The following NF1 variants were observed in gnomAD, a reference collection of about 807,000 sequenced individuals.
NF1 encodes neurofibromin 1, also known as neurofibromin.
NF1 carries 122 observed loss-of-function variants against 325.7 expected under a neutral mutation model. The ratio of observed to expected loss-of-function variants is 0.37; its 90% CI spans 0.32 to 0.44. The LOEUF (loss-of-function observed/expected upper bound fraction) is 0.44. Among genes scored for constraint, NF1 ranks in the 20% least tolerant of loss-of-function variants. The probability of loss-of-function intolerance (pLI) is 1.00; values close to 1 mark genes in which losing one functional copy is unlikely to be tolerated. For missense variants in NF1, 2,140 were observed against 3,415.4 expected (o/e 0.63, Z 9.31); for synonymous variants, 1,091 against 1,186.0 (o/e 0.92, Z 1.65).
rs1911560774 is a variant in NF1 at position 31,095,373 on chromosome 17, A to G, written c.60+4A>G. On this transcript the variant is annotated splice_donor_region_variant and intron_variant, in intron 1 of 57. Coordinates refer to ENST00000358273, the MANE Select transcript of NF1 (RefSeq NM_001042492.3). ...GGTCAGCCGCTTCGACGAGCAGGTAACCGGCCCGTGGCGGGCGGGAGGTGG... is the reference window on the plus strand; with the variant it reads ...GGTCAGCCGCTTCGACGAGCAGGTAGCCGGCCCGTGGCGGGCGGGAGGTGG... 1 of 1,539,366 alleles carries G rather than the reference A, an allele frequency of 6.5e-7. No homozygotes were observed. The highest frequency in any genetic ancestry group is 1.2e-5 in the South Asian group (1 of 83,946).
chr17:31,323,417 A>G (rs2069263950), intron 36 of NF1, among the ~76,000 whole-genome samples: 1 of 151,828 alleles, frequency 6.6e-6, no homozygotes, highest in Non-Finnish European at 1.5e-5. Context: ...AAAAGATAAA[A>G]ATTTCCAGGC....
intron 39 of NF1, chr17:31,334,532 T>C: frequency 8.6e-6 from 3 of 349,388 alleles, no homozygotes; most frequent in Non-Finnish European, 1.6e-5. Context: ...TACCAAACTT[T>C]CTATGATTAC....
chr17:31,365,065 C>T (rs543825836), intron 57 of NF1, among the ~76,000 whole-genome samples: 11 of 151,718 alleles, frequency 7.3e-5, no homozygotes, highest in Non-Finnish European at 1.0e-4. Context: ...TTTGGGAGGC[C>T]GAGGCAGGTG....
At chr17:31,213,022 T>C (rs1357769797) in intron 12 of NF1, among the ~76,000 whole-genome samples, 2 of 152,214 alleles carry the variant, frequency 1.3e-5, no homozygotes, top group African/African-American at 2.4e-5. Flanking sequence ...TGATACCTGC[T>C]CATTGTTCTC....
chr17:31,306,955 G>T (rs1230512544), intron 36 of NF1, among the ~76,000 whole-genome samples: 1 of 151,914 alleles, frequency 6.6e-6, no homozygotes, highest in Non-Finnish European at 1.5e-5. Flanking sequence ...TTCAAGAACA[G>T]CATGGACCAC....
intron 15 of NF1, chr17:31,222,409 C>T (rs1417229340): frequency 4.8e-6 from 5 of 1,033,452 alleles, no homozygotes; most frequent in Non-Finnish European, 5.8e-6. Flanking sequence ...GGTCTGCTTC[C>T]TAGATTATAC....
At chr17:31,184,670 A>T (rs1404563781) in intron 8 of NF1, among the ~76,000 whole-genome samples, 2 of 149,404 alleles carry the variant, frequency 1.3e-5, no homozygotes. Context: ...TAAAAAAAAA[A>T]AATAAAAAAA....
rs1224248239 is a variant in NF1 at position 31,349,004 on chromosome 17, G to A, written c.7190-116G>A. On this transcript the variant is annotated intron_variant, in intron 48 of 57. Coordinates refer to ENST00000358273, the MANE Select transcript of NF1 (RefSeq NM_001042492.3). ...CCCAAATGGCTATTCTTGGAAAGTA[G>A]GAGTTATATTTCCTTTCCTTGCAGA... is the stretch of plus-strand genomic sequence containing the variant. 6.2e-6 allele frequency: 8 copies of A among 1,285,930 alleles called. 1 individual carries two copies. In the Middle Eastern group the frequency reaches 1.4e-3, roughly 227 times the overall value. 79.7% of individuals were successfully genotyped at this position (1,285,930 alleles called of 1,614,324 possible).
At chr17:31,221,805 T>C in intron 14 of NF1, 45 bp from the exon 15 acceptor site, 2 of 1,384,372 alleles carry the variant, frequency 1.4e-6, no homozygotes, top group Non-Finnish European at 2.0e-6. Context: ...CCAAAAATGT[T>C]TGAGTGAGTC....
rs772195960 is a variant in NF1 at position 31,305,540 on chromosome 17, C to G, written c.4836-20280C>G. 9.9e-6 allele frequency: 16 copies of G among 1,613,886 alleles called. No homozygotes were observed. The South Asian group carries it at 1.2e-4, about 12-fold the overall frequency. On this transcript the variant is annotated intron_variant, in intron 36 of 57. Transcript: ENST00000358273. Reference sequence around the variant, plus strand: ...GACTGCTTCTCTGTTGTAATTGTCTCTGTCTTTGAAAAAAATGTATTGTTC... The same window carrying G: ...GACTGCTTCTCTGTTGTAATTGTCTGTGTCTTTGAAAAAAATGTATTGTTC...
intron 2 of NF1, 78 bp from the exon 3 acceptor site, chr17:31,158,932 C>T (rs1342940002): frequency 3.6e-6 from 3 of 831,328 alleles, no homozygotes; most frequent in Middle Eastern, 5.5e-4. Context: ...ATCTTTTAGT[C>T]TTTCACTTTT....
chr17:31,335,269 C>A (rs1220794154), intron 40 of NF1, among the ~76,000 whole-genome samples: 2 of 1,536 alleles, frequency 1.3e-3, no homozygotes, highest in Non-Finnish European at 9.3e-3. Flanking sequence ...TCCTTCAAGG[C>A]ATAATTATAT....
At chr17:31,133,955 C>T (rs759292896) in intron 1 of NF1, among the ~76,000 whole-genome samples, 4 of 152,178 alleles carry the variant, frequency 2.6e-5, no homozygotes, top group Non-Finnish European at 5.9e-5. Flanking sequence ...CTGCGTCTGG[C>T]CTTATTTCAT....
intron 57 of NF1, among the ~76,000 whole-genome samples, chr17:31,368,437 C>T (rs912901919): frequency 1.3e-5 from 2 of 152,038 alleles, no homozygotes; most frequent in African/African-American, 4.8e-5. Flanking sequence ...CAATACCAAG[C>T]CAAAAATTCT....
In NF1 at chr17:31,357,085, G is replaced by A. The variant is rs1471144465; in HGVS notation, c.7864G>A (p.Val2622Ile). 1.2e-6 allele frequency: 2 copies of A among 1,613,376 alleles called. No homozygotes were observed. Among genetic ancestry groups the A allele is most frequent in the Non-Finnish European group, 8.5e-7 (1 of 1,179,942 alleles). ...DPKIQALLLT[V>I]LATLVKYTTD... is the part of the protein sequence containing the mutation. The stretch of plus-strand genomic sequence containing the variant: ...GAAGATCCAGGCGCTGCTTCTTACT[G>A]TTCTAGTAAGGATTTCCCCTTTTTG... Residue 2622 changes from valine (V) to isoleucine (I), a missense_variant, in exon 53 of 58, where the codon GTT (valine) becomes ATT (isoleucine). This residue lies in a region of NF1 where 522 missense variants were observed against 749.0 expected (regional missense o/e 0.70). Transcript: ENST00000358273.
At chr17:31,165,254 C>G (rs756795849) in intron 4 of NF1, among the ~76,000 whole-genome samples, 1 of 152,170 alleles carries the variant, frequency 6.6e-6, no homozygotes, top group Non-Finnish European at 1.5e-5. Flanking sequence ...GAATCTAGTT[C>G]ACTGTTGCCA....
At chr17:31,123,378 C>A (rs1914602087) in intron 1 of NF1, among the ~76,000 whole-genome samples, 1 of 152,050 alleles carries the variant, frequency 6.6e-6, no homozygotes, top group Non-Finnish European at 1.5e-5. Context: ...CCTTATTTTC[C>A]ATTTTCATTT....
chr17:31,287,533 C>T (rs1231833176), intron 36 of NF1, among the ~76,000 whole-genome samples: 1 of 138,602 alleles, frequency 7.2e-6, no homozygotes, highest in African/African-American at 3.0e-5. Flanking sequence ...GCTTTGATCT[C>T]ATTCATAACT....
At chr17:31,343,193 T>C (rs1567620555) in intron 48 of NF1, 58 bp downstream of exon 48, 11 of 1,448,764 alleles carry the variant, frequency 7.6e-6, no homozygotes, top group Non-Finnish European at 9.6e-6. Flanking sequence ...CCAGAAGTAA[T>C]TTGAATAAGT....
Sources: allele counts gnomAD v4.1 joint callset (sites outside exome capture counted in the v4.1 genomes callset), GRCh38; gene constraint gnomAD v4.1.1; regional missense constraint gnomAD v4.1.1; transcripts MANE v1.5; gene names NCBI Gene and HGNC (gene_info 2026-07-23, HGNC 2026-07-21).